The following NKD1 variants were observed in gnomAD, a reference collection of about 807,000 sequenced individuals.
NKD1 encodes the protein NKD inhibitor of Wnt signaling pathway 1, also known as protein naked cuticle homolog 1.
In NKD1, 21 loss-of-function variants were observed where a neutral mutation model predicts 56.0. That is an observed-to-expected ratio of 0.38 (90% CI 0.27 to 0.54). NKD1 has a LOEUF of 0.54. Among genes scored for constraint, NKD1 ranks in the 20% least tolerant of loss-of-function variants. The probability of loss-of-function intolerance (pLI) is 0.82; values close to 1 mark genes in which losing one functional copy is unlikely to be tolerated. For synonymous variants in NKD1, 263 were observed against 265.7 expected (o/e 0.99, Z 0.10); for missense variants, 578 against 642.7 (o/e 0.90, Z 1.09).
intron 3 of NKD1, among the ~76,000 whole-genome samples, chr16:50,588,460 C>G (rs570098334): frequency 9.2e-5 from 14 of 152,320 alleles, no homozygotes; most frequent in Admixed American, 3.9e-4. Context: ...GGGCTGAGAT[C>G]TGTTCTTGGC....
At chr16:50,609,322 C>T (rs1350285460) in intron 4 of NKD1, among the ~76,000 whole-genome samples, 5 of 152,242 alleles carry the variant, frequency 3.3e-5, no homozygotes, top group African/African-American at 1.2e-4. Flanking sequence ...GTGCCAGGAA[C>T]GGATGACAGC....
intron 4 of NKD1, among the ~76,000 whole-genome samples, chr16:50,617,658 G>C (rs201548475): frequency 2.0e-5 from 3 of 152,304 alleles, no homozygotes; most frequent in East Asian, 3.9e-4. Context: ...TTTCCAAAGA[G>C]AGGGAACTCC....
chr16:50,574,183 A>G (rs1306372936), intron 3 of NKD1: 1 of 981,754 alleles, frequency 1.0e-6, no homozygotes, highest in Admixed American at 6.2e-5. Flanking sequence ...TGTTCATTCT[A>G]CCTCACCACT....
chr16:50,596,384 T>C (rs1289188718), intron 3 of NKD1, among the ~76,000 whole-genome samples: 2 of 151,224 alleles, frequency 1.3e-5, no homozygotes, highest in East Asian at 1.9e-4. Context: ...ATTTTTTTTT[T>C]CCTTCAAAAC....
chr16:50,615,271 TA>T (rs1961934951), intron 4 of NKD1, among the ~76,000 whole-genome samples: 1 of 152,218 alleles, frequency 6.6e-6, no homozygotes, highest in Non-Finnish European at 1.5e-5. Context: ...TTCTGCTACT[TA>T]CCGTTGTTTC....
At chr16:50,590,916 C>A (rs1961352774) in intron 3 of NKD1, among the ~76,000 whole-genome samples, 1 of 152,158 alleles carries the variant, frequency 6.6e-6, no homozygotes, top group African/African-American at 2.4e-5. Flanking sequence ...CTCCAAGGTT[C>A]AAGTGATTCT....
chr16:50,579,080 C>T lies in NKD1; in HGVS notation c.193-29214C>T, dbSNP rs375513368. Among the ~76,000 whole-genome samples, 10 of 152,158 alleles carry T rather than the reference C, an allele frequency of 6.6e-5. No homozygotes were observed. In the South Asian group the frequency reaches 1.0e-3, roughly 16 times the overall value. ...CTACACATGCATTCTCTCAGTCCCA[C>T]GGGCTACCCGCTACCACTCTAACCC... On this transcript the variant is annotated intron_variant, in intron 3 of 9. Transcript: ENST00000268459.
chr16:50,625,844 G>T (rs944476404), intron 6 of NKD1, among the ~76,000 whole-genome samples: 11 of 94,080 alleles, frequency 1.2e-4, no homozygotes, highest in Middle Eastern at 5.3e-3. Context: ...AAGAAGTTGG[G>T]GGGGGCAGGT....
At chr16:50,562,996 C>CA (rs1365565596) in intron 3 of NKD1, among the ~76,000 whole-genome samples, 1 of 133,580 alleles carries the variant, frequency 7.5e-6, no homozygotes, top group Non-Finnish European at 1.6e-5. Context: ...ACCCCCCCCC[C>CA]CCGCCGTAGA....
intron 6 of NKD1, among the ~76,000 whole-genome samples, chr16:50,628,319 G>C (rs1402308021): frequency 6.6e-6 from 1 of 152,236 alleles, no homozygotes; most frequent in Non-Finnish European, 1.5e-5. Flanking sequence ...GACAGGGTCA[G>C]CGCCTCTGTC....
chr16:50,623,818 A>G lies in NKD1; in HGVS notation c.367-1667A>G, dbSNP rs1156939373. Among the ~76,000 whole-genome samples, 2 of 147,530 alleles carry G rather than the reference A, an allele frequency of 1.4e-5. No homozygotes were observed. Among genetic ancestry groups the G allele is most frequent in the East Asian group, 2.0e-4 (1 of 5,012 alleles). On this transcript the variant is annotated intron_variant, in intron 5 of 9. Coordinates refer to ENST00000268459, the MANE Select transcript of NKD1 (RefSeq NM_033119.5). The surrounding 1 kb of genome is among the most constrained non-coding windows in gnomAD (Gnocchi z 4.1). ...CGTATAGGGGTATACCTGTGTAGGT[A>G]TGCGTGTGTGTAGGTACGTGTGTAG...
In NKD1 at chr16:50,576,172, C is replaced by T. The variant is rs141984174; in HGVS notation, c.192+26617C>T. Among the ~76,000 whole-genome samples, 944 of 152,312 alleles carry T rather than the reference C, an allele frequency of 6.2e-3. 9 individuals are homozygous for T. The highest frequency in any genetic ancestry group is 6.8e-3 in the Non-Finnish European group (463 of 68,032). ...GACTATATGCTAGTTTGCCCTTACTCTCCTGAGGGTCCCACCCAGGCCCTG... is the reference window on the plus strand; with the variant it reads ...GACTATATGCTAGTTTGCCCTTACTTTCCTGAGGGTCCCACCCAGGCCCTG... On this transcript the variant is annotated intron_variant, in intron 3 of 9. Transcript: ENST00000268459.
intron 3 of NKD1, among the ~76,000 whole-genome samples, chr16:50,551,409 A>G (rs1052028022): frequency 2.6e-5 from 4 of 152,176 alleles, no homozygotes; most frequent in African/African-American, 9.7e-5. Flanking sequence ...TGTTCAAAGT[A>G]CTTTTGAAGA....
intron 4 of NKD1, among the ~76,000 whole-genome samples, chr16:50,621,384 G>A (rs1036520227): frequency 3.9e-5 from 6 of 152,218 alleles, no homozygotes; most frequent in East Asian, 1.9e-4. Context: ...GGCCCCCCAC[G>A]GTGCAAGTGG....
At chr16:50,573,390 C>G (rs1025794326) in intron 3 of NKD1, among the ~76,000 whole-genome samples, 2 of 152,220 alleles carry the variant, frequency 1.3e-5, no homozygotes, top group Non-Finnish European at 2.9e-5. Flanking sequence ...TCCTTCTCCC[C>G]CCATCAGGTT....
At position 50,632,379 on chromosome 16, in the gene NKD1, T is replaced by C. The variant is rs1410901979; in HGVS notation, c.794T>C (p.Ile265Thr). 1.2e-6 allele frequency: 2 copies of C among 1,614,038 alleles called. No homozygotes were observed. The highest frequency in any genetic ancestry group is 8.5e-7 in the Non-Finnish European group (1 of 1,179,986). Residue 265 changes from isoleucine (I) to threonine (T), a missense_variant, in exon 9 of 10, where the codon ATA becomes ACA. By Grantham distance (89) the Ile-to-Thr change is moderately conservative (BLOSUM62 -1). Transcript: ENST00000268459. This position sits in a 1 kb window ranked among gnomAD's most constrained non-coding sequence, Gnocchi z 4.1. Reference sequence around the variant, plus strand: ...AACCACTACTTAGATCTCGCCGGGATAGAAAACTACACGTCCCAATTTGGG... The same window carrying C: ...AACCACTACTTAGATCTCGCCGGGACAGAAAACTACACGTCCCAATTTGGG... ...RRNHYLDLAGIENYTSQFGPG... is the reference protein window; with the variant it reads ...RRNHYLDLAGTENYTSQFGPG...
intron 3 of NKD1, among the ~76,000 whole-genome samples, chr16:50,585,787 A>G (rs1961215819): frequency 6.6e-6 from 1 of 152,194 alleles, no homozygotes; most frequent in Admixed American, 6.5e-5. Flanking sequence ...AGCAGTGGGA[A>G]GGACCGTGAT....
chr16:50,622,704 T>C (rs545240331), intron 5 of NKD1, among the ~76,000 whole-genome samples: 5 of 152,334 alleles, frequency 3.3e-5, no homozygotes, highest in Admixed American at 2.6e-4. Flanking sequence ...TTCGTGCGCC[T>C]AAAGGTCTAA....
At chr16:50,630,780 C>T (rs1185591881) in intron 7 of NKD1, 46 bp from the exon 8 acceptor site, 2 of 1,504,322 alleles carry the variant, frequency 1.3e-6, no homozygotes, top group Non-Finnish European at 1.8e-6. Flanking sequence ...AGGGTGGGAG[C>T]AGGCAGCTCA....
Sources: gnomAD v4.1 joint callset for allele counts (sites outside exome capture counted in the v4.1 genomes callset) on GRCh38, gnomAD v4.1.1 for gene constraint, Gnocchi (gnomAD v3.1) non-coding constraint, MANE v1.5 for transcripts, NCBI Gene and HGNC (gene_info 2026-07-23, HGNC 2026-07-21) for gene names.